Variants in KLHL32 observed in about 807,000 individuals in gnomAD.
KLHL32 encodes the protein kelch like family member 32.
A neutral mutation model predicts 64.8 loss-of-function variants in KLHL32; 35 were observed. That is an observed-to-expected ratio of 0.54 (90% CI 0.41 to 0.72). The LOEUF (loss-of-function observed/expected upper bound fraction) is 0.72. Ranked by LOEUF, KLHL32 falls within the 30% of genes least tolerant of loss-of-function variation. The pLI is 0.00. For synonymous variants in KLHL32, 259 were observed against 281.0 expected, an observed-to-expected ratio of 0.92 and a Z score of 0.78; for missense variants, 589 against 768.5, an observed-to-expected ratio of 0.77 and a Z score of 2.76.
chr6:97,057,181 T>TGC (rs750758727), intron 4 of KLHL32, among the ~76,000 whole-genome samples: 26 of 96,930 alleles, frequency 2.7e-4, no homozygotes, highest in South Asian at 9.8e-4. Context: ...TCTTTTTTTT[T>TGC]TTTTTTTTTT....
chr6:97,041,675 G>A (rs1785142634), intron 4 of KLHL32, 76 bp downstream of exon 4: 2 of 832,192 alleles, frequency 2.4e-6, no homozygotes, highest in Non-Finnish European at 4.0e-6. Flanking sequence ...CTTGAGGTAT[G>A]AGATTTAGTT....
At chr6:96,928,550 T>C (rs578200829) in intron 1 of KLHL32, among the ~76,000 whole-genome samples, 1 of 152,246 alleles carries the variant, frequency 6.6e-6, no homozygotes, top group South Asian at 2.1e-4. Context: ...TTCTAAAGAC[T>C]GAACATAAAG....
At chr6:96,948,210 G>A (rs958009828) in intron 1 of KLHL32, among the ~76,000 whole-genome samples, 1 of 152,172 alleles carries the variant, frequency 6.6e-6, no homozygotes, top group Non-Finnish European at 1.5e-5. Flanking sequence ...AATGAGCGGT[G>A]TGAATTTTAG....
chr6:97,100,987 T>TTTTTTTTC (rs1554239252), intron 6 of KLHL32, among the ~76,000 whole-genome samples: 1 of 131,500 alleles, frequency 7.6e-6, no homozygotes, highest in African/African-American at 2.9e-5. Flanking sequence ...TTTTTTTTTT[T>TTTTTTTTC]GGTAGAGACA....
chr6:96,977,971 T>C (rs1775897513), intron 3 of KLHL32, among the ~76,000 whole-genome samples: 1 of 152,196 alleles, frequency 6.6e-6, no homozygotes, highest in African/African-American at 2.4e-5. Flanking sequence ...TTGTCAGGTA[T>C]TCTTCTTTCA....
intron 8 of KLHL32, among the ~76,000 whole-genome samples, chr6:97,128,406 G>C (rs1033084832): frequency 6.6e-6 from 1 of 152,206 alleles, no homozygotes; most frequent in African/African-American, 2.4e-5. Context: ...GCAGTTGCTT[G>C]AGTTTGGTGC....
At chr6:96,913,083 T>C in the KLHL32 span, among the ~76,000 whole-genome samples, 1 of 152,248 alleles carries the variant, frequency 6.6e-6, no homozygotes, top group Non-Finnish European at 1.5e-5. Flanking sequence ...TCTGAAGTGC[T>C]TGAACTCTTA....
At chr6:96,928,731 T>C (rs967631940) in intron 1 of KLHL32, among the ~76,000 whole-genome samples, 7 of 152,148 alleles carry the variant, frequency 4.6e-5, no homozygotes, top group African/African-American at 1.7e-4. Context: ...ATGAATTCAT[T>C]TGGAGTGGGT....
the KLHL32 span, among the ~76,000 whole-genome samples, chr6:96,918,624 A>T: frequency 6.6e-6 from 1 of 152,222 alleles, no homozygotes; most frequent in East Asian, 1.9e-4. Flanking sequence ...AATTTGATGT[A>T]TCACCAAGTG....
intron 1 of KLHL32, among the ~76,000 whole-genome samples, chr6:96,931,156 C>G (rs147681233): frequency 6.6e-6 from 1 of 152,276 alleles, no homozygotes; most frequent in South Asian, 2.1e-4. Flanking sequence ...TCTTTCAAGT[C>G]AGATAGGATT....
chr6:97,050,858 C>G (rs1039101874), intron 4 of KLHL32, among the ~76,000 whole-genome samples: 1 of 151,964 alleles, frequency 6.6e-6, no homozygotes, highest in African/African-American at 2.4e-5. Flanking sequence ...AAAAAAATAG[C>G]CAGGTGTGGC....
At position 97,052,243 on chromosome 6, in the gene KLHL32, G is replaced by A. The variant is rs193113810; in HGVS notation, c.312+10644G>A. Among the ~76,000 whole-genome samples the A allele has an allele frequency of 2.0e-5, 3 of 152,274 alleles. No homozygotes were observed. The East Asian group carries it at 5.8e-4, about 29-fold the overall frequency. On this transcript the variant is annotated intron_variant, in intron 4 of 10. Transcript: ENST00000369261. Reference sequence around the variant, plus strand: ...CCCATAGGGAGAATCACCATGATTGGGACAGCAGATGCACATGCAGATGCA... The same window carrying A: ...CCCATAGGGAGAATCACCATGATTGAGACAGCAGATGCACATGCAGATGCA...
At chr6:96,961,698 G>C (rs1290003300) in intron 1 of KLHL32, among the ~76,000 whole-genome samples, 1 of 152,212 alleles carries the variant, frequency 6.6e-6, no homozygotes, top group Non-Finnish European at 1.5e-5. Flanking sequence ...AAGATGATTG[G>C]TGAGTCGGAA....
intron 3 of KLHL32, chr6:96,994,675 A>G (rs763420657): frequency 3.1e-4 from 298 of 952,582 alleles, no homozygotes; most frequent in Non-Finnish European, 3.5e-4. Flanking sequence ...CGTGCAAAGT[A>G]CTATGAGTTC....
At chr6:97,032,072 G>C (rs1282720468) in intron 3 of KLHL32, among the ~76,000 whole-genome samples, 1 of 152,132 alleles carries the variant, frequency 6.6e-6, no homozygotes, top group Non-Finnish European at 1.5e-5. Context: ...GCTCAGAGAA[G>C]GTAACAAATT....
intron 3 of KLHL32, among the ~76,000 whole-genome samples, chr6:96,989,198 T>C (rs1033346019): frequency 2.0e-5 from 3 of 152,240 alleles, no homozygotes; most frequent in African/African-American, 4.8e-5. Flanking sequence ...ATTGTATCAG[T>C]GGCCTATATA....
At chr6:97,025,033 A>G (rs1159664855) in intron 3 of KLHL32, 1 of 984,928 alleles carries the variant, frequency 1.0e-6, no homozygotes, top group Non-Finnish European at 1.2e-6. Flanking sequence ...AGAAGACCAC[A>G]TGTTTAAAGG....
intron 3 of KLHL32, among the ~76,000 whole-genome samples, chr6:96,999,023 G>GA (rs1229527700): frequency 6.6e-6 from 1 of 151,994 alleles, no homozygotes; most frequent in Non-Finnish European, 1.5e-5. Flanking sequence ...ATCCTAAGAA[G>GA]AAAAAAAATT....
At chr6:97,037,764 T>C (rs1784513749) in intron 3 of KLHL32, among the ~76,000 whole-genome samples, 2 of 152,112 alleles carry the variant, frequency 1.3e-5, no homozygotes, top group South Asian at 2.1e-4. Context: ...CTATCAGATA[T>C]CACAATGTAC....
Sources: gnomAD v4.1 joint callset for allele counts (sites outside exome capture counted in the v4.1 genomes callset) on GRCh38, gnomAD v4.1.1 for gene constraint, MANE v1.5 for transcripts, NCBI Gene and HGNC (gene_info 2026-07-23, HGNC 2026-07-21) for gene names.